AGBL4: variants seen among roughly 807,000 people sequenced by gnomAD.
The protein encoded by AGBL4 is cytosolic carboxypeptidase 6.
A neutral mutation model predicts 66.4 loss-of-function variants in AGBL4; 58 were observed. That is an observed-to-expected ratio of 0.87 (90% CI 0.71 to 1.09). AGBL4 has a LOEUF of 1.09. Ranked by LOEUF, AGBL4 falls within the 50% of genes least tolerant of loss-of-function variation. The probability of loss-of-function intolerance (pLI) is 0.00; values close to 1 mark genes in which losing one functional copy is unlikely to be tolerated. For synonymous variants in AGBL4, 234 were observed against 222.9 expected, an observed-to-expected ratio of 1.05 and a Z score of -0.44; for missense variants, 579 against 631.0, an observed-to-expected ratio of 0.92 and a Z score of 0.88.
intron 2 of AGBL4, among the ~76,000 whole-genome samples, chr1:49,704,247 TAA>T (rs1647159014): frequency 6.6e-6 from 1 of 152,080 alleles, no homozygotes; most frequent in South Asian, 2.1e-4. Flanking sequence ...ATAAATTTAG[TAA>T]TCAAGACAGT....
intron 3 of AGBL4, among the ~76,000 whole-genome samples, chr1:49,534,054 C>A (rs924327129): frequency 6.6e-6 from 1 of 151,326 alleles, no homozygotes; most frequent in Non-Finnish European, 1.5e-5. Context: ...AGTATAACCA[C>A]CAATTGAATA....
chr1:49,594,982 C>T (rs1644824687), intron 3 of AGBL4, among the ~76,000 whole-genome samples: 2 of 152,314 alleles, frequency 1.3e-5, no homozygotes, highest in South Asian at 4.1e-4. Context: ...TTTACAGTCC[C>T]ACCAACAGTT....
At chr1:49,889,137 G>A (rs914807477) in intron 1 of AGBL4, among the ~76,000 whole-genome samples, 2 of 152,156 alleles carry the variant, frequency 1.3e-5, no homozygotes, top group Non-Finnish European at 2.9e-5. Flanking sequence ...TGTAGTTGGT[G>A]GAAAATGAGT....
At chr1:49,698,972 G>C (rs1018243056) in intron 2 of AGBL4, among the ~76,000 whole-genome samples, 2 of 151,950 alleles carry the variant, frequency 1.3e-5, no homozygotes, top group South Asian at 2.1e-4. Flanking sequence ...TCCTCACCAT[G>C]ACCCAGTGAT....
intron 3 of AGBL4, among the ~76,000 whole-genome samples, chr1:49,279,897 A>T (rs1557797261): frequency 6.6e-6 from 1 of 152,222 alleles, no homozygotes; most frequent in African/African-American, 2.4e-5. Flanking sequence ...AAAGCCAATG[A>T]GAAACCACCA....
intron 6 of AGBL4, among the ~76,000 whole-genome samples, chr1:48,842,229 C>A (rs1646821176): frequency 6.6e-6 from 1 of 152,146 alleles, no homozygotes; most frequent in Non-Finnish European, 1.5e-5. Flanking sequence ...ATCATTCCAG[C>A]AATCTCATCT....
At chr1:48,554,156 G>A (rs947669479) in intron 11 of AGBL4, among the ~76,000 whole-genome samples, 9 of 152,148 alleles carry the variant, frequency 5.9e-5, no homozygotes, top group African/African-American at 2.2e-4. Context: ...TTGCTGGAGG[G>A]ACAGGACATG....
chr1:48,534,067 G>T lies in AGBL4; in HGVS notation c.*106C>A. On this transcript the variant is annotated 3_prime_UTR_variant, in exon 14 of 14. Transcript: ENST00000371839. Reference sequence around the variant, plus strand: ...TATCCCTTCCCTTTCACTAGCCTATGCATTAATCCACAAATCCTTGGAAGC... The same window carrying T: ...TATCCCTTCCCTTTCACTAGCCTATTCATTAATCCACAAATCCTTGGAAGC... 6.7e-7 allele frequency: 1 copy of T among 1,488,396 alleles called. No individual in the cohort carries two copies. The highest frequency in any genetic ancestry group is 9.2e-7 in the Non-Finnish European group (1 of 1,090,450). 92.2% of individuals were successfully genotyped at this position (1,488,396 alleles called of 1,614,324 possible). A position where few individuals can be genotyped will look rare whatever the true frequency, so the allele number is the denominator to read the frequency against.
chr1:48,577,628 G>T (rs1305524295), intron 11 of AGBL4, among the ~76,000 whole-genome samples: 1 of 152,144 alleles, frequency 6.6e-6, no homozygotes, highest in Non-Finnish European at 1.5e-5. Context: ...GGCACATTTT[G>T]ATCTGGAGGT....
At chr1:48,624,932 G>A (rs1182721180) in intron 9 of AGBL4, among the ~76,000 whole-genome samples, 1 of 151,736 alleles carries the variant, frequency 6.6e-6, no homozygotes, top group Non-Finnish European at 1.5e-5. Context: ...GCACGTGACA[G>A]TGTCTTGCTC....
At chr1:49,737,942 C>T (rs899541702) in intron 2 of AGBL4, among the ~76,000 whole-genome samples, 16 of 152,176 alleles carry the variant, frequency 1.1e-4, no homozygotes, top group African/African-American at 3.9e-4. Context: ...GTACCGGGTT[C>T]ATCTCACTAG....
intron 6 of AGBL4, among the ~76,000 whole-genome samples, chr1:48,772,499 G>A (rs1644888016): frequency 6.6e-6 from 1 of 152,142 alleles, no homozygotes; most frequent in South Asian, 2.1e-4. Context: ...TGTGTTCACA[G>A]AAGAGTAAAA....
intron 1 of AGBL4, among the ~76,000 whole-genome samples, chr1:49,895,216 G>C (rs114330218): frequency 6.7e-6 from 1 of 149,184 alleles, no homozygotes; most frequent in Non-Finnish European, 1.5e-5. Context: ...AAAAAAAACT[G>C]AGAGATTTCA....
chr1:49,113,046 G>T (rs1030518132), intron 4 of AGBL4, among the ~76,000 whole-genome samples: 1 of 151,652 alleles, frequency 6.6e-6, no homozygotes, highest in Non-Finnish European at 1.5e-5. Flanking sequence ...CTGCCTCCCA[G>T]GTTGCGCCAT....
At position 48,915,968 on chromosome 1, in the gene AGBL4, C is replaced by T. The variant is rs1236214979; in HGVS notation, c.595-48738G>A. Among the ~76,000 whole-genome samples the T allele has an allele frequency of 4.6e-5, 7 of 152,238 alleles. No individual in the cohort carries two copies. The East Asian group carries it at 1.4e-3, about 29-fold the overall frequency. ...TACAGAAGTATAGTGCATGGTCAGGCAATGCTGTTGGGCCTAGCTGCCTTG... is the reference window on the plus strand; with the variant it reads ...TACAGAAGTATAGTGCATGGTCAGGTAATGCTGTTGGGCCTAGCTGCCTTG... On this transcript the variant is annotated intron_variant, in intron 5 of 13. Coordinates refer to ENST00000371839, the MANE Select transcript of AGBL4 (RefSeq NM_032785.4).
intron 4 of AGBL4, among the ~76,000 whole-genome samples, chr1:49,067,369 A>C (rs901693622): frequency 3.3e-5 from 5 of 152,170 alleles, no homozygotes; most frequent in African/African-American, 1.2e-4. Context: ...ATTGCACCTA[A>C]ACAAATAGGT....
chr1:48,681,321 A>T (rs1646451343), intron 6 of AGBL4, among the ~76,000 whole-genome samples: 1 of 152,206 alleles, frequency 6.6e-6, no homozygotes, highest in South Asian at 2.1e-4. Flanking sequence ...AGTGCATGTG[A>T]ATCCTGCCCT....
At chr1:48,694,814 A>G (rs1434395454) in intron 6 of AGBL4, among the ~76,000 whole-genome samples, 1 of 151,366 alleles carries the variant, frequency 6.6e-6, no homozygotes, top group Non-Finnish European at 1.5e-5. Context: ...CAGCTGCCCG[A>G]CCCCCAATAA....
chr1:49,948,049 TAA>T (rs1491499817), intron 1 of AGBL4, among the ~76,000 whole-genome samples: 219 of 6,888 alleles, frequency 0.032, 2 homozygotes, highest in African/African-American at 0.047. Context: ...TATAAATATA[TAA>T]ATATATATAT....
Sources: allele counts gnomAD v4.1 joint callset (sites outside exome capture counted in the v4.1 genomes callset), GRCh38; gene constraint gnomAD v4.1.1; transcripts MANE v1.5; gene names NCBI Gene and HGNC (gene_info 2026-07-23, HGNC 2026-07-21).